Variants in CTDP1 observed in about 807,000 individuals in gnomAD.
The protein encoded by CTDP1 is RNA polymerase II subunit A C-terminal domain phosphatase.
A neutral mutation model predicts 91.8 loss-of-function variants in CTDP1; 47 were observed. That is an observed-to-expected ratio of 0.51 (90% CI 0.41 to 0.65). The LOEUF (loss-of-function observed/expected upper bound fraction) is 0.65. Among genes scored for constraint, CTDP1 ranks in the 30% least tolerant of loss-of-function variants. The pLI, the probability that CTDP1 is intolerant of heterozygous loss-of-function variation, is 0.00. For missense variants in CTDP1, 1,272 were observed against 1,373.7 expected, an observed-to-expected ratio of 0.93 and a Z score of 1.17; for synonymous variants, 656 against 598.5, an observed-to-expected ratio of 1.10 and a Z score of -1.40.
At chr18:79,733,624 CTG>C (rs1339152851) in intron 11 of CTDP1, among the ~76,000 whole-genome samples, 1 of 151,926 alleles carries the variant, frequency 6.6e-6, no homozygotes, top group Non-Finnish European at 1.5e-5. Flanking sequence ...GGCCCCAAAG[CTG>C]GCGTCCGCTG....
At chr18:79,736,110 A>AT in intron 11 of CTDP1, 1 of 582,602 alleles carries the variant, frequency 1.7e-6, no homozygotes, top group East Asian at 2.9e-5. Flanking sequence ...GACAGAAGGA[A>AT]TTTAAACCCA....
At chr18:79,718,147 T>C in intron 10 of CTDP1, 131 bp downstream of exon 10, 10 of 1,080,832 alleles carry the variant, frequency 9.3e-6, no homozygotes, top group Non-Finnish European at 1.4e-5. Flanking sequence ...GACTCCTGCT[T>C]CCACCTTGTG....
Position 79,713,710 on chromosome 18 carries a change from C to T in CTDP1, c.1030+572C>T, listed in dbSNP as rs987477937. Among the ~76,000 whole-genome samples the T allele has an allele frequency of 3.9e-5, 6 of 152,320 alleles. No individual in the cohort carries two copies. The highest frequency in any genetic ancestry group is 2.0e-4 in the Admixed American group (3 of 15,296). ...CTAAAATGGAACTTGGAGGTTAGGA[C>T]CAGGGGAGGGTGAAACTAGGGGCAT... On this transcript the variant is annotated intron_variant, in intron 7 of 12. Transcript: ENST00000613122. The surrounding 1 kb of genome is among the most constrained non-coding windows in gnomAD (Gnocchi z 4.7).
At chr18:79,704,498 A>G (rs1346674398) in intron 4 of CTDP1, among the ~76,000 whole-genome samples, 1 of 150,356 alleles carries the variant, frequency 6.7e-6, no homozygotes, top group Non-Finnish European at 1.5e-5. Flanking sequence ...ACATGCTCAC[A>G]TGTGTCCTCT....
At chr18:79,725,069 TTTC>T (rs1181080533) in intron 10 of CTDP1, among the ~76,000 whole-genome samples, 1 of 152,234 alleles carries the variant, frequency 6.6e-6, no homozygotes, top group Non-Finnish European at 1.5e-5. Flanking sequence ...GTGTGTGGTT[TTTC>T]TTCTTTTGCC....
chr18:79,713,259 T>A lies in CTDP1; in HGVS notation c.1030+121T>A. ...CAAGATACACTTTTTTTATTTGTGT[T>A]TCAGTAGAGATTATTGGATTTATTT... On this transcript the variant is annotated intron_variant, in intron 7 of 12. Transcript: ENST00000613122. This position sits in a 1 kb window ranked among gnomAD's most constrained non-coding sequence, Gnocchi z 4.7. 1 of 1,055,404 alleles carries A rather than the reference T, an allele frequency of 9.5e-7. No homozygotes were observed. Among genetic ancestry groups the A allele is most frequent in the Non-Finnish European group, 1.4e-6 (1 of 709,364 alleles). 65.4% of individuals were successfully genotyped at this position (1,055,404 alleles called of 1,614,324 possible). A position where few individuals can be genotyped will look rare whatever the true frequency, so the allele number is the denominator to read the frequency against.
At chr18:79,747,480 C>T (rs1301397244) in intron 12 of CTDP1, among the ~76,000 whole-genome samples, 5 of 152,218 alleles carry the variant, frequency 3.3e-5, no homozygotes, top group Non-Finnish European at 5.9e-5. Context: ...CAGCTCTTGC[C>T]GCCTGCTTTC....
intron 12 of CTDP1, among the ~76,000 whole-genome samples, chr18:79,746,697 AGCTT>A (rs2122869653): frequency 6.6e-6 from 1 of 152,322 alleles, no homozygotes; most frequent in East Asian, 1.9e-4. Context: ...GCTCACTGGA[AGCTT>A]GAACTCCTGG....
chr18:79,690,937 G>A (rs373588412), intron 1 of CTDP1, among the ~76,000 whole-genome samples: 1 of 152,220 alleles, frequency 6.6e-6, no homozygotes, highest in South Asian at 2.1e-4. Context: ...GTTTGGTCAC[G>A]TTGCTGGAAG....
chr18:79,748,381 T>TGG (rs1034676910), intron 12 of CTDP1, among the ~76,000 whole-genome samples: 2 of 152,164 alleles, frequency 1.3e-5, no homozygotes, highest in Non-Finnish European at 2.9e-5. Context: ...GCGCAGGGCC[T>TGG]GGGGGGACCC....
At chr18:79,747,576 C>T (rs950446457) in intron 12 of CTDP1, among the ~76,000 whole-genome samples, 4 of 152,214 alleles carry the variant, frequency 2.6e-5, no homozygotes, top group African/African-American at 7.2e-5. Flanking sequence ...CAGGTCCCCG[C>T]GGAGCCCCCC....
At chr18:79,726,768 CACCATT>C (rs2086451240) in intron 10 of CTDP1, among the ~76,000 whole-genome samples, 3 of 137,054 alleles carry the variant, frequency 2.2e-5, no homozygotes, top group South Asian at 2.4e-4. Context: ...ATGGGGGTGA[CACCATT>C]GCTGGTGGAC....
In CTDP1 at chr18:79,726,323, C is replaced by G. The variant is rs560370991; in HGVS notation, c.2418-2584C>G. 1.1e-4 allele frequency among the ~76,000 whole-genome samples: 17 copies of G among 152,256 alleles called. No homozygotes were observed. The East Asian group carries it at 3.3e-3, about 29-fold the overall frequency. ...TTTTTATTTTCTGTTTATAAAATGT[C>G]TGTATCTTCTATTTCTTTGCCAATC... On this transcript the variant is annotated intron_variant, in intron 10 of 12. Coordinates refer to ENST00000613122, the MANE Select transcript of CTDP1 (RefSeq NM_004715.5).
At chr18:79,754,717 T>C (rs1263855651), downstream of CTDP1, 2 of 152,268 alleles carry the variant, frequency 1.3e-5, no homozygotes, top group Non-Finnish European at 2.9e-5. Context: ...TTTAAAACGG[T>C]TAAGTGTGAA....
At chr18:79,691,492 G>A (rs1481073994) in intron 1 of CTDP1, among the ~76,000 whole-genome samples, 1 of 151,268 alleles carries the variant, frequency 6.6e-6, no homozygotes, top group South Asian at 2.1e-4. Flanking sequence ...CAGCTCCCAG[G>A]GTGGACTCGG....
At chr18:79,735,498 G>C (rs1228154270) in intron 11 of CTDP1, 1 of 152,536 alleles carries the variant, frequency 6.6e-6, no homozygotes, top group Non-Finnish European at 1.5e-5. Context: ...GACATAAAGT[G>C]CTCTTCCCTC....
intron 12 of CTDP1, among the ~76,000 whole-genome samples, chr18:79,737,046 C>T (rs540194358): frequency 5.3e-5 from 8 of 152,314 alleles, no homozygotes; most frequent in Non-Finnish European, 7.4e-5. Flanking sequence ...GGTCCCCCGC[C>T]GGTGACAGTG....
intron 8 of CTDP1, 95 bp downstream of exon 8, chr18:79,715,623 A>T: frequency 2.4e-6 from 3 of 1,234,280 alleles, no homozygotes; most frequent in East Asian, 2.6e-5. Flanking sequence ...TCTCACTTTC[A>T]ATTTTCAGAA....
chr18:79,736,806 TGTG>T (rs556929940), intron 12 of CTDP1, among the ~76,000 whole-genome samples: 284 of 149,332 alleles, frequency 1.9e-3, no homozygotes, highest in African/African-American at 6.8e-3. Flanking sequence ...TGCACAGGCG[TGTG>T]GTGGGGGTAT....
Sources: gnomAD v4.1 joint callset for allele counts (sites outside exome capture counted in the v4.1 genomes callset) on GRCh38, gnomAD v4.1.1 for gene constraint, Gnocchi (gnomAD v3.1) non-coding constraint, MANE v1.5 for transcripts, NCBI Gene and HGNC (gene_info 2026-07-23, HGNC 2026-07-21) for gene names.